The following SEPTIN9 variants were observed in gnomAD, a reference collection of about 807,000 sequenced individuals.
SEPTIN9 encodes the protein septin 9.
A neutral mutation model predicts 56.6 loss-of-function variants in SEPTIN9; 13 were observed. That is an observed-to-expected ratio of 0.23 (90% confidence interval 0.15 to 0.37). SEPTIN9 has a LOEUF of 0.37. Among genes scored for constraint, SEPTIN9 ranks in the 10% least tolerant of loss-of-function variants. The pLI, the probability that SEPTIN9 is intolerant of heterozygous loss-of-function variation, is 1.00. For synonymous variants in SEPTIN9, 332 were observed against 334.1 expected (o/e 0.99, Z 0.07); for missense variants, 650 against 823.1 (o/e 0.79, Z 2.57).
At chr17:77,448,252 C>T (rs993806899) in intron 3 of SEPTIN9, among the ~76,000 whole-genome samples, 11 of 151,946 alleles carry the variant, frequency 7.2e-5, no homozygotes, top group Non-Finnish European at 1.3e-4. Flanking sequence ...GCGGGCGGAT[C>T]AATTGAGGTC....
At chr17:77,393,563 C>T (rs913340361) in intron 2 of SEPTIN9, among the ~76,000 whole-genome samples, 35 of 151,988 alleles carry the variant, frequency 2.3e-4, no homozygotes, top group African/African-American at 7.7e-4. Context: ...GCCATGCCTG[C>T]ACCCAGGGAA....
rs958875604 is a variant in SEPTIN9 at position 77,304,043 on chromosome 17, A to C, written c.20-3098A>C. Among the ~76,000 whole-genome samples the C allele has an allele frequency of 3.3e-5, 5 of 152,216 alleles. No individual in the cohort carries two copies. In the South Asian group the frequency reaches 1.0e-3, roughly 31 times the overall value. On this transcript the variant is annotated intron_variant, in intron 1 of 11. Transcript: ENST00000427177. ...TTTTAAAATCACATAAAGATAACTC[A>C]CTTCTCAACTGGAGCCACGGAATCG...
chr17:77,366,523 AG>A (rs1254124486), intron 2 of SEPTIN9, among the ~76,000 whole-genome samples: 1 of 152,214 alleles, frequency 6.6e-6, no homozygotes, highest in Non-Finnish European at 1.5e-5. Flanking sequence ...GCTGTTCAGG[AG>A]GCACAGCCAG....
At chr17:77,404,829 C>CT (rs1457698336) in intron 3 of SEPTIN9, among the ~76,000 whole-genome samples, 1 of 152,194 alleles carries the variant, frequency 6.6e-6, no homozygotes, top group Non-Finnish European at 1.5e-5. Flanking sequence ...TCCCATCTCT[C>CT]TAAGCTTGAC....
rs12953232 is a variant in SEPTIN9 at position 77,482,772 on chromosome 17, T to C, written c.913+437T>C. ...GCTCAGCTTCAGCTCTGCCCTGGAA[T>C]TGGGGCCTCGTGGCTTCCACACCCC... On this transcript the variant is annotated intron_variant, in intron 4 of 11. Coordinates refer to ENST00000427177, the MANE Select transcript of SEPTIN9 (RefSeq NM_001113491.2). 82 of 564,868 alleles carry C rather than the reference T, an allele frequency of 1.5e-4. No individual in the cohort carries two copies. The South Asian group carries it at 1.6e-3, about 11-fold the overall frequency. 35.0% of individuals were successfully genotyped at this position (564,868 alleles called of 1,614,324 possible). A position where few individuals can be genotyped will look rare whatever the true frequency, so the allele number is the denominator to read the frequency against.
intron 2 of SEPTIN9, among the ~76,000 whole-genome samples, chr17:77,334,113 C>G (rs565472713): frequency 2.0e-5 from 3 of 151,806 alleles, no homozygotes; most frequent in Non-Finnish European, 4.4e-5. Context: ...TGACTGTTTC[C>G]CCATGGGTCT....
intron 3 of SEPTIN9, among the ~76,000 whole-genome samples, chr17:77,407,313 A>G (rs1292183794): frequency 7.1e-6 from 1 of 141,458 alleles, no homozygotes; most frequent in Non-Finnish European, 1.6e-5. Flanking sequence ...AAAAAATCCC[A>G]TAAGATACCA....
intron 1 of SEPTIN9, among the ~76,000 whole-genome samples, chr17:77,305,461 A>G (rs553037007): frequency 2.0e-5 from 3 of 152,144 alleles, no homozygotes; most frequent in Admixed American, 6.5e-5. Flanking sequence ...CCCTCCTTCA[A>G]GGCTCAGCTT....
rs559618212 is a variant in SEPTIN9, at chr17:77,355,517, C to T, written c.77-46542C>T. On this transcript the variant is annotated intron_variant, in intron 2 of 11. Coordinates refer to ENST00000427177, the MANE Select transcript of SEPTIN9 (RefSeq NM_001113491.2). ...CTGCTGTGGCTGTTCCCTTGTGTCA[C>T]GTGGCTGCAGGCACAGCCCCCAAGT... 3.9e-5 allele frequency among the ~76,000 whole-genome samples: 6 copies of T among 152,288 alleles called. No individual in the cohort carries two copies. The East Asian group carries it at 7.7e-4, about 20-fold the overall frequency.
chr17:77,325,939 C>T (rs1440165827), intron 2 of SEPTIN9, among the ~76,000 whole-genome samples: 2 of 152,146 alleles, frequency 1.3e-5, no homozygotes, highest in Admixed American at 1.3e-4. Context: ...CTCCTAGCAA[C>T]GGGGAGCTGG....
chr17:77,332,499 A>C (rs913015131), intron 2 of SEPTIN9, among the ~76,000 whole-genome samples: 13 of 152,230 alleles, frequency 8.5e-5, no homozygotes, highest in South Asian at 6.2e-4. Context: ...TTCATTAACT[A>C]GAGTCCGGCA....
chr17:77,413,250 T>C (rs947603754), intron 3 of SEPTIN9, among the ~76,000 whole-genome samples: 3 of 152,190 alleles, frequency 2.0e-5, no homozygotes, highest in African/African-American at 4.8e-5. Context: ...TTAAAACTTT[T>C]CAAGAATTCA....
In SEPTIN9 at chr17:77,310,126, C is replaced by T. The variant is rs2032433620; in HGVS notation, c.76+2929C>T. On this transcript the variant is annotated intron_variant, in intron 2 of 11. Transcript: ENST00000427177. This position sits in a 1 kb window ranked among gnomAD's most constrained non-coding sequence, Gnocchi z 4.7. ...CCTCAGTAGCCAGGATTACAGGCAC[C>T]CGCCACCATGTCTGGCTAATTTTTT... is the stretch of plus-strand genomic sequence containing the variant. Among the ~76,000 whole-genome samples the T allele has an allele frequency of 6.6e-6, 1 of 151,758 alleles. No homozygotes were observed. Among genetic ancestry groups the T allele is most frequent in the African/African-American group, 2.4e-5 (1 of 41,014 alleles).
rs73997493 is a variant in SEPTIN9 at position 77,323,718 on chromosome 17, C to T, written c.76+16521C>T. Reference sequence around the variant, plus strand: ...CTCCTGTCCCTCGCTGTGCTGTCCCCGATGGCCTCTGCCATCCCCTGGGAG... The same window carrying T: ...CTCCTGTCCCTCGCTGTGCTGTCCCTGATGGCCTCTGCCATCCCCTGGGAG... On this transcript the variant is annotated intron_variant, in intron 2 of 11. Coordinates refer to ENST00000427177, the MANE Select transcript of SEPTIN9 (RefSeq NM_001113491.2). The surrounding 1 kb of genome is among the most constrained non-coding windows in gnomAD (Gnocchi z 6.8). 0.11 allele frequency: 16,175 copies of T among 152,554 alleles called. 975 individuals carry two copies. The highest frequency in any genetic ancestry group is 0.16 in the African/African-American group (6,670 of 41,514). The allele number at this position is 152,554 out of a possible 1,614,324, so 9.5% of individuals were successfully genotyped here. A position where few individuals can be genotyped will look rare whatever the true frequency, so the allele number is the denominator to read the frequency against.
In SEPTIN9 at chr17:77,318,885, G is replaced by A. The variant is rs2032800236; in HGVS notation, c.76+11688G>A. Among the ~76,000 whole-genome samples, 1 of 152,216 alleles carries A rather than the reference G, an allele frequency of 6.6e-6. No individual in the cohort carries two copies. The highest frequency in any genetic ancestry group is 2.1e-4 in the South Asian group (1 of 4,832). ...GATTGTAAACTCAGAGGCCTGCGGG[G>A]TGTGTCGAGGTAGAGGGGTGCAAAT... On this transcript the variant is annotated intron_variant, in intron 2 of 11. Transcript: ENST00000427177. The surrounding 1 kb of genome is among the most constrained non-coding windows in gnomAD (Gnocchi z 4.9).
chr17:77,420,597 G>A (rs556825109), intron 3 of SEPTIN9, among the ~76,000 whole-genome samples: 6 of 152,264 alleles, frequency 3.9e-5, no homozygotes, highest in African/African-American at 1.4e-4. Context: ...CCTCCTGGTG[G>A]ACAGTCCTTT....
chr17:77,324,711 G>T (rs1039815415), intron 2 of SEPTIN9, among the ~76,000 whole-genome samples: 1 of 152,144 alleles, frequency 6.6e-6, no homozygotes, highest in Admixed American at 6.5e-5. Context: ...CTGAGTGTTA[G>T]GAGATCTGTA....
intron 2 of SEPTIN9, among the ~76,000 whole-genome samples, chr17:77,328,095 C>T (rs2033214320): frequency 6.6e-6 from 1 of 151,064 alleles, no homozygotes; most frequent in African/African-American, 2.4e-5. Context: ...CATCCCCATG[C>T]CCAGGGTGTC....
At chr17:77,337,110 C>T (rs1203451092) in intron 2 of SEPTIN9, among the ~76,000 whole-genome samples, 2 of 151,602 alleles carry the variant, frequency 1.3e-5, no homozygotes, top group African/African-American at 4.9e-5. Context: ...AAGCAATCCT[C>T]CCACCTCAGC....
Sources: allele counts gnomAD v4.1 joint callset (sites outside exome capture counted in the v4.1 genomes callset), GRCh38; gene constraint gnomAD v4.1.1; non-coding constraint Gnocchi (gnomAD v3.1); transcripts MANE v1.5; gene names NCBI Gene and HGNC (gene_info 2026-07-23, HGNC 2026-07-21).